Variants in ABCC5 observed in about 807,000 individuals in gnomAD.
The protein encoded by ABCC5 is ATP-binding cassette sub-family C member 5.
ABCC5 carries 61 observed loss-of-function variants against 160.9 expected under a neutral mutation model. The observed-to-expected ratio is 0.38, with a 90% CI of 0.31 to 0.47. The LOEUF (loss-of-function observed/expected upper bound fraction) is 0.47. Among genes scored for constraint, ABCC5 ranks in the 20% least tolerant of loss-of-function variants. The probability of loss-of-function intolerance (pLI) is 0.99; values close to 1 mark genes in which losing one functional copy is unlikely to be tolerated. For synonymous variants in ABCC5, 666 were observed against 700.6 expected (o/e 0.95, Z 0.78); for missense variants, 1,308 against 1,813.3 (o/e 0.72, Z 5.06).
intron 10 of ABCC5, among the ~76,000 whole-genome samples, chr3:183,974,241 C>A (rs904438374): frequency 6.6e-6 from 1 of 152,184 alleles, no homozygotes; most frequent in Non-Finnish European, 1.5e-5. Context: ...CTGTTGAGAA[C>A]AGAAGAGGGG....
intron 11 of ABCC5, among the ~76,000 whole-genome samples, chr3:183,971,038 T>A (rs1310933628): frequency 1.3e-5 from 2 of 152,206 alleles, no homozygotes; most frequent in Non-Finnish European, 2.9e-5. Context: ...GAACCTGGCA[T>A]CTCTGTTCCA....
intron 5 of ABCC5, chr3:183,985,318 A>G (rs1231103196): frequency 6.2e-7 from 1 of 1,614,064 alleles, no homozygotes; most frequent in Non-Finnish European, 8.5e-7. Flanking sequence ...ACTCTTGGCG[A>G]GAGATTCTGC....
At chr3:184,010,369 T>A (rs1429237950) in intron 2 of ABCC5, 1 of 152,252 alleles carries the variant, frequency 6.6e-6, no homozygotes, top group Non-Finnish European at 1.5e-5. Context: ...AAAGTGGTAT[T>A]AGCCTTCATA....
intron 16 of ABCC5, among the ~76,000 whole-genome samples, chr3:183,960,137 T>C (rs375064708): frequency 6.6e-6 from 1 of 152,142 alleles, no homozygotes; most frequent in Non-Finnish European, 1.5e-5. Context: ...TCATTTCCAT[T>C]CCTCCTCTCT....
intron 2 of ABCC5, among the ~76,000 whole-genome samples, chr3:183,996,008 C>G (rs543776768): frequency 5.3e-5 from 8 of 152,202 alleles, no homozygotes; most frequent in African/African-American, 1.9e-4. Flanking sequence ...GGGGTTTCAC[C>G]GTGTTGGCCA....
Position 184,014,441 on chromosome 3 carries a change from A to G in ABCC5, c.-49T>C. 1.3e-6 allele frequency: 2 copies of G among 1,552,116 alleles called. No homozygotes were observed. The highest frequency in any genetic ancestry group is 1.7e-6 in the Non-Finnish European group (2 of 1,150,106). The stretch of plus-strand genomic sequence containing the variant: ...GCTCACAGACTGTTAGTTTCACATC[A>G]GAATTCCTGAAATTAAAAATTCATC... On this transcript the variant is annotated 5_prime_UTR_variant, in exon 2 of 30. Transcript: ENST00000334444.
chr3:183,948,003 G>C (rs578141019), intron 22 of ABCC5, among the ~76,000 whole-genome samples: 12 of 152,308 alleles, frequency 7.9e-5, no homozygotes, highest in African/African-American at 2.9e-4. Context: ...TTGTTCCCCA[G>C]CTATGGAGCC....
Position 183,921,385 on chromosome 3 carries a change from G to T in ABCC5, c.4229C>A (p.Thr1410Asn). The T allele has an allele frequency of 6.2e-7, 1 of 1,613,022 alleles. No individual in the cohort carries two copies. Among genetic ancestry groups the T allele is most frequent in the East Asian group, 2.2e-5 (1 of 44,762 alleles). ...GTCGTTGGACAGAAGGACCGATGGG[G>T]TGTCAAACTCCACCACCTGCAAAAG... ...LAQGQVVEFD[T>N]PSVLLSNDSS... Residue 1410 changes from threonine (T) to asparagine (N), a missense_variant, in exon 30 of 30, where the codon ACC becomes AAC. Physicochemically the swap from Thr to Asn is moderately conservative, Grantham distance 65 (BLOSUM62 0). Around this residue, in one of 3 missense-constraint regions of ABCC5, gnomAD observed 163 missense variants for 269.7 expected, o/e 0.60. Coordinates refer to ENST00000334444, the MANE Select transcript of ABCC5 (RefSeq NM_005688.4). This position sits in a 1 kb window ranked among gnomAD's most constrained non-coding sequence, Gnocchi z 4.1.
chr3:183,981,989 G>T, intron 7 of ABCC5, 115 bp from the exon 8 acceptor site: 1 of 1,169,040 alleles, frequency 8.6e-7, no homozygotes, highest in Non-Finnish European at 1.2e-6. Context: ...TGCTAGGATG[G>T]GCCAAATGTT....
At chr3:183,990,625 A>G (rs1344604817) in intron 2 of ABCC5, among the ~76,000 whole-genome samples, 1 of 152,216 alleles carries the variant, frequency 6.6e-6, no homozygotes, top group Non-Finnish European at 1.5e-5. Context: ...TCACAGCAGC[A>G]GCAGGGAGAA....
intron 17 of ABCC5, among the ~76,000 whole-genome samples, chr3:183,953,931 A>G (rs1230509218): frequency 1.3e-5 from 2 of 152,192 alleles, no homozygotes; most frequent in Admixed American, 1.3e-4. Context: ...TTCTCAACAG[A>G]AAGGGTGACA....
intron 10 of ABCC5, among the ~76,000 whole-genome samples, chr3:183,972,498 C>G (rs1310854472): frequency 6.6e-6 from 1 of 152,186 alleles, no homozygotes; most frequent in Non-Finnish European, 1.5e-5. Flanking sequence ...GTCTTCAAAG[C>G]CTTGCCTTGG....
At chr3:184,016,509 C>G (rs898058607) in intron 1 of ABCC5, among the ~76,000 whole-genome samples, 1 of 152,200 alleles carries the variant, frequency 6.6e-6, no homozygotes, top group African/African-American at 2.4e-5. Context: ...AAGCCCCAGT[C>G]TGAAGCAAGC....
chr3:184,009,000 G>A (rs1448541514), intron 2 of ABCC5, among the ~76,000 whole-genome samples: 2 of 152,170 alleles, frequency 1.3e-5, no homozygotes, highest in African/African-American at 4.8e-5. Flanking sequence ...GGGACTACAG[G>A]CACAAACCCC....
chr3:183,992,622 A>T (rs1022856319), intron 2 of ABCC5, among the ~76,000 whole-genome samples: 2 of 150,378 alleles, frequency 1.3e-5, no homozygotes, highest in Non-Finnish European at 3.0e-5. Flanking sequence ...CGTCTCTACT[A>T]AAAAAAAATA....
chr3:183,953,968 G>A lies in ABCC5; in HGVS notation c.2483-698C>T, dbSNP rs142671836. Among the ~76,000 whole-genome samples the A allele has an allele frequency of 3.4e-3, 522 of 152,304 alleles. 2 individuals carry two copies. The highest frequency in any genetic ancestry group is 0.012 in the African/African-American group (507 of 41,562). Reference sequence around the variant, plus strand: ...GTGTGTCTGACTTCTGTTGGGCTAGGAAGGACCTGGGATGGCTGATATTGC... The same window carrying A: ...GTGTGTCTGACTTCTGTTGGGCTAGAAAGGACCTGGGATGGCTGATATTGC... On this transcript the variant is annotated intron_variant, in intron 17 of 29. Coordinates refer to ENST00000334444, the MANE Select transcript of ABCC5 (RefSeq NM_005688.4).
At position 184,017,664 on chromosome 3, in the gene ABCC5, C is replaced by A. The variant is rs13325143; in HGVS notation, c.-56+166G>T. ...CCGGGCTCACAGGCCTAGGAGGCGG[C>A]GGCAGGAGACCAGGGGGAGGCCATA... On this transcript the variant is annotated intron_variant, in intron 1 of 29. Coordinates refer to ENST00000334444, the MANE Select transcript of ABCC5 (RefSeq NM_005688.4). This position sits in a 1 kb window ranked among gnomAD's most constrained non-coding sequence, Gnocchi z 4.5. Among the ~76,000 whole-genome samples, 1,404 of 152,300 alleles carry A rather than the reference C, an allele frequency of 9.2e-3. 25 individuals are homozygous for A. The highest frequency in any genetic ancestry group is 0.032 in the African/African-American group (1,310 of 41,558).
chr3:183,959,318 G>C (rs1716517683), intron 17 of ABCC5, among the ~76,000 whole-genome samples: 1 of 152,154 alleles, frequency 6.6e-6, no homozygotes, highest in Non-Finnish European at 1.5e-5. Flanking sequence ...CGAGTCTACT[G>C]TTCTAACATG....
chr3:183,968,261 C>T (rs1443300156), intron 11 of ABCC5, among the ~76,000 whole-genome samples: 1 of 152,010 alleles, frequency 6.6e-6, no homozygotes, highest in Non-Finnish European at 1.5e-5. Context: ...AGGCATGCAC[C>T]ACTACACCCA....
Sources: allele counts gnomAD v4.1 joint callset (sites outside exome capture counted in the v4.1 genomes callset), GRCh38; gene constraint gnomAD v4.1.1; regional missense constraint gnomAD v4.1.1; non-coding constraint Gnocchi (gnomAD v3.1); transcripts MANE v1.5; gene names NCBI Gene and HGNC (gene_info 2026-07-23, HGNC 2026-07-21).